STX11: variants seen among roughly 807,000 people sequenced by gnomAD.
STX11 encodes the protein syntaxin-11.
A neutral mutation model predicts 19.9 loss-of-function variants in STX11; 21 were observed. The observed-to-expected ratio is 1.06, with a 90% confidence interval of 0.75 to 1.52. STX11 has a LOEUF of 1.52. Ranked by LOEUF, STX11 falls within the 40% of genes most tolerant of loss-of-function variation. The probability of loss-of-function intolerance (pLI) is 0.00; values close to 1 mark genes in which losing one functional copy is unlikely to be tolerated. For synonymous variants in STX11, 193 were observed against 174.4 expected (o/e 1.11, Z -0.84); for missense variants, 438 against 405.9 (o/e 1.08, Z -0.68).
intron 1 of STX11, among the ~76,000 whole-genome samples, chr6:144,179,084 G>T (rs1801842267): frequency 6.6e-6 from 1 of 152,150 alleles, no homozygotes; most frequent in African/African-American, 2.4e-5. Context: ...CAATGGTGAG[G>T]CATGGTGAAT....
At position 144,167,524 on chromosome 6, in the gene STX11, C is replaced by T. The variant is rs577504667; in HGVS notation, c.-6+16821C>T. ...AAGGTGTCACTATCTCAGGCACCCA[C>T]GTGGACAATCTGTGCTTGCTTGGTA... On this transcript the variant is annotated intron_variant, in intron 1 of 1. Coordinates refer to ENST00000367568, the MANE Select transcript of STX11 (RefSeq NM_003764.4). This position sits in a 1 kb window ranked among gnomAD's most constrained non-coding sequence, Gnocchi z 5.0. Among the ~76,000 whole-genome samples, 6 of 152,336 alleles carry T rather than the reference C, an allele frequency of 3.9e-5. No individual in the cohort carries two copies. Among genetic ancestry groups the T allele is most frequent in the Non-Finnish European group, 7.3e-5 (5 of 68,030 alleles).
chr6:144,164,334 G>A (rs1322656648), intron 1 of STX11, among the ~76,000 whole-genome samples: 4 of 152,172 alleles, frequency 2.6e-5, no homozygotes, highest in Admixed American at 2.6e-4. Flanking sequence ...TTAATATTAT[G>A]TTAAAATCAA....
rs1408560033 is a variant in STX11 at position 144,151,439 on chromosome 6, A to G, written c.-6+736A>G. On this transcript the variant is annotated intron_variant, in intron 1 of 1. Transcript: ENST00000367568. This position sits in a 1 kb window ranked among gnomAD's most constrained non-coding sequence, Gnocchi z 4.6. ...AAATGAGTCACAGGGCTGCTCTCTT[A>G]ATTGTGAGACTTTGTTAATGAACTT... 1.0e-6 allele frequency: 1 copy of G among 985,032 alleles called. No individual in the cohort carries two copies. 61.0% of individuals were successfully genotyped at this position (985,032 alleles called of 1,614,324 possible).
Position 144,167,953 on chromosome 6 carries a change from G to A in STX11, c.-6+17250G>A, listed in dbSNP as rs1056633375. Among the ~76,000 whole-genome samples, 3 of 152,056 alleles carry A rather than the reference G, an allele frequency of 2.0e-5. No homozygotes were observed. Among genetic ancestry groups the A allele is most frequent in the Non-Finnish European group, 2.9e-5 (2 of 68,016 alleles). ...TGTTCTTAGACTTATTCACACATAA[G>A]TACTTATGGTAAAAAAAATAACATA... On this transcript the variant is annotated intron_variant, in intron 1 of 1. Coordinates refer to ENST00000367568, the MANE Select transcript of STX11 (RefSeq NM_003764.4). The surrounding 1 kb of genome is among the most constrained non-coding windows in gnomAD (Gnocchi z 5.0).
At position 144,151,159 on chromosome 6, in the gene STX11, CAGT is replaced by C. The variant is rs1800997030; in HGVS notation, c.-6+459_-6+461del. On this transcript the variant is annotated intron_variant, in intron 1 of 1. Coordinates refer to ENST00000367568, the MANE Select transcript of STX11 (RefSeq NM_003764.4). This position sits in a 1 kb window ranked among gnomAD's most constrained non-coding sequence, Gnocchi z 4.6. ...TTGACTTGAACTTGGCGGTGTCACT[CAGT>C]AGCCAGGAAAGACGGAGAAATTGAT... 1 of 868,182 alleles carries C rather than the reference CAGT, an allele frequency of 1.2e-6. No homozygotes were observed. Among genetic ancestry groups the C allele is most frequent in the Non-Finnish European group, 1.4e-6 (1 of 722,974 alleles). 53.8% of individuals were successfully genotyped at this position (868,182 alleles called of 1,614,324 possible). A position where few individuals can be genotyped will look rare whatever the true frequency, so the allele number is the denominator to read the frequency against.
chr6:144,180,489 C>T lies in STX11; in HGVS notation c.-5-6134C>T, dbSNP rs554343590. Among the ~76,000 whole-genome samples, 7 of 152,280 alleles carry T rather than the reference C, an allele frequency of 4.6e-5. No homozygotes were observed. The highest frequency in any genetic ancestry group is 2.1e-4 in the South Asian group (1 of 4,832). ...GGATTGGTCTTCCCTGTGCTATTCTCGTGATAGTGAATAAGTCTCATGAGA... is the reference window on the plus strand; with the variant it reads ...GGATTGGTCTTCCCTGTGCTATTCTTGTGATAGTGAATAAGTCTCATGAGA... On this transcript the variant is annotated intron_variant, in intron 1 of 1. Transcript: ENST00000367568. The surrounding 1 kb of genome is among the most constrained non-coding windows in gnomAD (Gnocchi z 5.3).
In STX11 at chr6:144,183,556, A is replaced by T. The variant is rs1221797268; in HGVS notation, c.-5-3067A>T. ...CAATTACCAATTTTTTAAAATAATG[A>T]ATAGACTTTGTTTGCAAAATCATTA... On this transcript the variant is annotated intron_variant, in intron 1 of 1. Transcript: ENST00000367568. The surrounding 1 kb of genome is among the most constrained non-coding windows in gnomAD (Gnocchi z 4.6). Among the ~76,000 whole-genome samples the T allele has an allele frequency of 6.6e-6, 1 of 152,198 alleles. No individual in the cohort carries two copies. Among genetic ancestry groups the T allele is most frequent in the African/African-American group, 2.4e-5 (1 of 41,458 alleles).
rs1251879409 is a variant in STX11, at chr6:144,176,843, A to G, written c.-5-9780A>G. On this transcript the variant is annotated intron_variant, in intron 1 of 1. Coordinates refer to ENST00000367568, the MANE Select transcript of STX11 (RefSeq NM_003764.4). The surrounding 1 kb of genome is among the most constrained non-coding windows in gnomAD (Gnocchi z 4.1). The stretch of plus-strand genomic sequence containing the variant: ...GAGGATTTCCAACAAAGATAAGTAG[A>G]TGCCTTTGACATTTGAAGGGAGAAA... 6.6e-6 allele frequency among the ~76,000 whole-genome samples: 1 copy of G among 152,182 alleles called. No homozygotes were observed.
chr6:144,154,278 A>G lies in STX11; in HGVS notation c.-6+3575A>G, dbSNP rs1353803399. On this transcript the variant is annotated intron_variant, in intron 1 of 1. Transcript: ENST00000367568. The surrounding 1 kb of genome is among the most constrained non-coding windows in gnomAD (Gnocchi z 4.7). Reference sequence around the variant, plus strand: ...CTCCTGCCCCTAACAATTCTTCCTTATCCAAGAATGGCCTTGATGCATAAG... The same window carrying G: ...CTCCTGCCCCTAACAATTCTTCCTTGTCCAAGAATGGCCTTGATGCATAAG... Among the ~76,000 whole-genome samples, 1 of 152,196 alleles carries G rather than the reference A, an allele frequency of 6.6e-6. No individual in the cohort carries two copies. The highest frequency in any genetic ancestry group is 2.4e-5 in the African/African-American group (1 of 41,444).
At position 144,159,964 on chromosome 6, in the gene STX11, C is replaced by T. The variant is rs1247621609; in HGVS notation, c.-6+9261C>T. On this transcript the variant is annotated intron_variant, in intron 1 of 1. Transcript: ENST00000367568. This position sits in a 1 kb window ranked among gnomAD's most constrained non-coding sequence, Gnocchi z 4.3. ...GCAACCTCCACCCAGCTTGGTGGCT[C>T]ATGCTGGGTCCTTTTTCTCCTTTTC... 6.6e-6 allele frequency among the ~76,000 whole-genome samples: 1 copy of T among 152,072 alleles called. No individual in the cohort carries two copies.
chr6:144,157,090 G>C (rs1166612741), intron 1 of STX11, among the ~76,000 whole-genome samples: 3 of 152,174 alleles, frequency 2.0e-5, no homozygotes, highest in Non-Finnish European at 4.4e-5. Context: ...AGGTCAAGTT[G>C]CCAGGAAACA....
chr6:144,147,326 G>A (rs931226986), upstream of STX11, among the ~76,000 whole-genome samples: 5 of 152,154 alleles, frequency 3.3e-5, no homozygotes, highest in African/African-American at 9.7e-5. The surrounding 1 kb of genome is among the most constrained non-coding windows in gnomAD (Gnocchi z 4.2). Flanking sequence ...ATGTGGCCAA[G>A]CCCATTCCTC....
rs1441976842 is a variant in STX11 at position 144,180,206 on chromosome 6, A to G, written c.-5-6417A>G. On this transcript the variant is annotated intron_variant, in intron 1 of 1. Coordinates refer to ENST00000367568, the MANE Select transcript of STX11 (RefSeq NM_003764.4). This position sits in a 1 kb window ranked among gnomAD's most constrained non-coding sequence, Gnocchi z 5.3. ...TTTTGGCAAAATTTGCTTAATGCAT[A>G]TATTAGTCTTTTGGGGCTGCCTAAT... Among the ~76,000 whole-genome samples, 1 of 152,234 alleles carries G rather than the reference A, an allele frequency of 6.6e-6. No individual in the cohort carries two copies. Among genetic ancestry groups the G allele is most frequent in the African/African-American group, 2.4e-5 (1 of 41,456 alleles).
In STX11 at chr6:144,191,809, T is replaced by C. The variant is rs1439504361; in HGVS notation, c.*4318T>C. Among the ~76,000 whole-genome samples the C allele has an allele frequency of 6.6e-6, 1 of 152,232 alleles. No individual in the cohort carries two copies. The highest frequency in any genetic ancestry group is 1.5e-5 in the Non-Finnish European group (1 of 68,032). On this transcript the variant is annotated 3_prime_UTR_variant, in exon 2 of 2. Transcript: ENST00000367568. The stretch of plus-strand genomic sequence containing the variant: ...AATGGAAAACGAATAGGATCTAGAA[T>C]GTAACTTCATCATATAAATGATGAG...
rs181459489 is a variant in STX11 at position 144,173,018 on chromosome 6, T to A, written c.-5-13605T>A. On this transcript the variant is annotated intron_variant, in intron 1 of 1. Coordinates refer to ENST00000367568, the MANE Select transcript of STX11 (RefSeq NM_003764.4). Reference sequence around the variant, plus strand: ...TCCTTGATTAGGACCCAGCTCTGCTTTTCAGAAGTGGTTTCTTGGTTTATA... The same window carrying A: ...TCCTTGATTAGGACCCAGCTCTGCTATTCAGAAGTGGTTTCTTGGTTTATA... Among the ~76,000 whole-genome samples the A allele has an allele frequency of 4.6e-5, 7 of 152,336 alleles. No homozygotes were observed. In the East Asian group the frequency reaches 1.2e-3, roughly 25 times the overall value.
intron 1 of STX11, among the ~76,000 whole-genome samples, chr6:144,181,538 T>A (rs1311780982): frequency 7.7e-6 from 1 of 129,276 alleles, no homozygotes; most frequent in Non-Finnish European, 1.5e-5. Context: ...GAGGTTACAG[T>A]GAGCCGAGAT....
chr6:144,163,843 G>A (rs1375942006), intron 1 of STX11, among the ~76,000 whole-genome samples: 7 of 152,184 alleles, frequency 4.6e-5, no homozygotes, highest in Non-Finnish European at 8.8e-5. Flanking sequence ...GTACCCAGGA[G>A]GCTGAGGTGG....
rs74624490 is a variant in STX11 at position 144,174,332 on chromosome 6, G to A, written c.-5-12291G>A. ...AGAAATAGTCTGTACCTCTTGATCAGAGAAGCTGCAAAGAATTTGTAGTAA... is the reference window on the plus strand; with the variant it reads ...AGAAATAGTCTGTACCTCTTGATCAAAGAAGCTGCAAAGAATTTGTAGTAA... On this transcript the variant is annotated intron_variant, in intron 1 of 1. Coordinates refer to ENST00000367568, the MANE Select transcript of STX11 (RefSeq NM_003764.4). The surrounding 1 kb of genome is among the most constrained non-coding windows in gnomAD (Gnocchi z 5.3). 0.037 allele frequency among the ~76,000 whole-genome samples: 5,663 copies of A among 152,244 alleles called. 231 individuals are homozygous for A. Among genetic ancestry groups the A allele is most frequent in the East Asian group, 0.21 (1,080 of 5,180 alleles).
upstream of STX11, among the ~76,000 whole-genome samples, chr6:144,147,286 C>T (rs58084770): frequency 6.1e-3 from 924 of 152,236 alleles, 42 homozygotes; most frequent in East Asian, 0.11. This position sits in a 1 kb window ranked among gnomAD's most constrained non-coding sequence, Gnocchi z 4.2. Flanking sequence ...CCCACTAAAA[C>T]TCTTCTTACC....
Sources: gnomAD v4.1 joint callset for allele counts (sites outside exome capture counted in the v4.1 genomes callset) on GRCh38, gnomAD v4.1.1 for gene constraint, Gnocchi (gnomAD v3.1) non-coding constraint, MANE v1.5 for transcripts, NCBI Gene and HGNC (gene_info 2026-07-23, HGNC 2026-07-21) for gene names.